The following THNSL1 variants were observed in gnomAD, a reference collection of about 807,000 sequenced individuals.
The protein encoded by THNSL1 is threonine synthase-like 1.
In THNSL1, 48 loss-of-function variants were observed where a neutral mutation model predicts 50.4. The ratio of observed to expected loss-of-function variants is 0.95; its 90% CI spans 0.76 to 1.21. The LOEUF is 1.21. Among genes scored for constraint, THNSL1 ranks in the 50% most tolerant of loss-of-function variants. The pLI is 0.00. For synonymous variants in THNSL1, 309 were observed against 306.1 expected (o/e 1.01, Z -0.10); for missense variants, 896 against 871.7 (o/e 1.03, Z -0.35).
At chr10:24,969,698 C>T in the THNSL1 span, among the ~76,000 whole-genome samples, 15 of 152,174 alleles carry the variant, frequency 9.9e-5, no homozygotes, top group Non-Finnish European at 1.6e-4. Context: ...AATTTTATCA[C>T]GTGGAACGAC....
At chr10:25,008,662 G>A in the THNSL1 span, among the ~76,000 whole-genome samples, 1 of 152,142 alleles carries the variant, frequency 6.6e-6, no homozygotes, top group African/African-American at 2.4e-5. Context: ...ACTGTTGGTG[G>A]GACTGTCAAC....
the THNSL1 span, among the ~76,000 whole-genome samples, chr10:24,967,955 ATG>A: frequency 2.2e-5 from 3 of 138,560 alleles, no homozygotes; most frequent in South Asian, 2.4e-4. Context: ...TATGTGTATG[ATG>A]TGTGTGTATG....
At chr10:24,988,232 AT>A in the THNSL1 span, among the ~76,000 whole-genome samples, 5 of 145,490 alleles carry the variant, frequency 3.4e-5, no homozygotes, top group South Asian at 6.4e-4. Flanking sequence ...TCAAAAAAAA[AT>A]GTATATATAT....
the THNSL1 span, among the ~76,000 whole-genome samples, chr10:24,990,993 G>A: frequency 6.6e-6 from 1 of 152,150 alleles, no homozygotes; most frequent in Non-Finnish European, 1.5e-5. Flanking sequence ...CCAGCTATTC[G>A]GGTGGCTGAG....
At chr10:25,018,448 A>G (rs951900206) in intron 1 of THNSL1, among the ~76,000 whole-genome samples, 1 of 152,218 alleles carries the variant, frequency 6.6e-6, no homozygotes, top group African/African-American at 2.4e-5. Context: ...TTATGTTGCA[A>G]CTACTCAGTT....
the THNSL1 span, among the ~76,000 whole-genome samples, chr10:24,971,806 A>G: frequency 6.6e-6 from 1 of 152,204 alleles, no homozygotes. Flanking sequence ...GATGTATGCA[A>G]CATCATGCAC....
chr10:25,026,447 T>C lies in THNSL1; in HGVS notation c.*992T>C, dbSNP rs1850853533. ...TTGAGTAGTCTCAATAGGAGTGTAT[T>C]TGTAGACAGCAGTTTCCCTATATTA... On this transcript the variant is annotated 3_prime_UTR_variant, in exon 3 of 3. Coordinates refer to ENST00000376356, the MANE Select transcript of THNSL1 (RefSeq NM_024838.5). 6.0e-6 allele frequency: 1 copy of C among 167,116 alleles called. No homozygotes were observed. The highest frequency in any genetic ancestry group is 2.4e-5 in the African/African-American group (1 of 41,480). 10.4% of individuals were successfully genotyped at this position (167,116 alleles called of 1,614,324 possible).
Position 25,024,438 on chromosome 10 carries a change from A to AT in THNSL1, c.1221dup (p.Pro408SerfsTer2), listed in dbSNP as rs1385259232. ...ATAAGCAAAGGATAGCTGTGGTTGCATTTTTTCCTGAGAATGGAGTAAGTG... is the reference window on the plus strand; with the variant it reads ...ATAAGCAAAGGATAGCTGTGGTTGCATTTTTTTCCTGAGAATGGAGTAAGTG... On this transcript the variant is annotated frameshift_variant, in exon 3 of 3. Transcript: ENST00000376356. LOFTEE classifies it high-confidence loss of function. 6.2e-7 allele frequency: 1 copy of AT among 1,614,070 alleles called. No individual in the cohort carries two copies. The highest frequency in any genetic ancestry group is 8.5e-7 in the Non-Finnish European group (1 of 1,180,012).
At chr10:24,984,125 T>C in the THNSL1 span, 5 of 413,974 alleles carry the variant, frequency 1.2e-5, no homozygotes, top group Non-Finnish European at 1.7e-5. Flanking sequence ...ATCTTGATTT[T>C]GTAAGTTGTC....
At chr10:24,988,451 A>G in the THNSL1 span, among the ~76,000 whole-genome samples, 1 of 145,926 alleles carries the variant, frequency 6.9e-6, no homozygotes, top group African/African-American at 2.5e-5. Flanking sequence ...TATTGTACAT[A>G]TGTTATATAT....
the THNSL1 span, among the ~76,000 whole-genome samples, chr10:25,005,163 C>G: frequency 6.6e-6 from 1 of 152,064 alleles, no homozygotes; most frequent in South Asian, 2.1e-4. Context: ...TTACTGCAGC[C>G]CTGTAGTATA....
intron 1 of THNSL1, among the ~76,000 whole-genome samples, chr10:25,017,998 A>C (rs1210878767): frequency 6.6e-6 from 1 of 152,236 alleles, no homozygotes; most frequent in Non-Finnish European, 1.5e-5. Context: ...TCAGTTCCTG[A>C]AATAGCAAGT....
chr10:25,001,511 T>C, the THNSL1 span, among the ~76,000 whole-genome samples: 2 of 152,268 alleles, frequency 1.3e-5, no homozygotes, highest in Admixed American at 6.5e-5. Flanking sequence ...ATTCTTTGAC[T>C]GCTTGATATT....
the THNSL1 span, among the ~76,000 whole-genome samples, chr10:25,001,884 T>G: frequency 1.3e-5 from 2 of 152,350 alleles, no homozygotes; most frequent in East Asian, 3.9e-4. Flanking sequence ...GCATTATATT[T>G]TCCTGCTTCT....
the THNSL1 span, among the ~76,000 whole-genome samples, chr10:24,956,123 C>T: frequency 2.0e-5 from 3 of 151,870 alleles, no homozygotes; most frequent in African/African-American, 4.8e-5. Context: ...CTGTCCATTT[C>T]CTTTTCTTTT....
the THNSL1 span, among the ~76,000 whole-genome samples, chr10:24,961,086 C>CT: frequency 6.6e-6 from 1 of 152,110 alleles, no homozygotes; most frequent in Non-Finnish European, 1.5e-5. Flanking sequence ...TTGTTTTAAA[C>CT]TGGAAAATAT....
At chr10:24,987,737 G>T in the THNSL1 span, among the ~76,000 whole-genome samples, 1 of 152,134 alleles carries the variant, frequency 6.6e-6, no homozygotes, top group East Asian at 1.9e-4. Flanking sequence ...ACACCAGCCT[G>T]GCAATTGGTA....
rs1286600118 is a variant in THNSL1, at chr10:25,024,300, T to A, written c.1077T>A (p.Pro359=). The A allele has an allele frequency of 6.2e-7, 1 of 1,614,088 alleles. No homozygotes were observed. Among genetic ancestry groups the A allele is most frequent in the Non-Finnish European group, 8.5e-7 (1 of 1,180,034 alleles). The change falls in exon 3 of 3, where the codon CCT becomes CCA. Residue 359 remains proline (P), a synonymous_variant. Transcript: ENST00000376356. The part of the protein sequence containing the change: ...SFKDLSLQLM[P]HIFAHCIPPS... ...AAGATTTGTCTTTACAGCTTATGCC[T>A]CATATTTTTGCACACTGTATCCCAC...
chr10:25,004,686 T>C, the THNSL1 span, among the ~76,000 whole-genome samples: 2 of 152,198 alleles, frequency 1.3e-5, no homozygotes, highest in African/African-American at 2.4e-5. Context: ...ATGCATAGTT[T>C]GCAAAAATTT....
Sources: gnomAD v4.1 joint callset for allele counts (sites outside exome capture counted in the v4.1 genomes callset) on GRCh38, gnomAD v4.1.1 for gene constraint, MANE v1.5 for transcripts, NCBI Gene and HGNC (gene_info 2026-07-23, HGNC 2026-07-21) for gene names.